BTD: variants seen among roughly 807,000 people sequenced by gnomAD.
The protein encoded by BTD is biotinidase, also known as biocytinase.
BTD carries 13 observed loss-of-function variants against 17.7 expected under a neutral mutation model. That is an observed-to-expected ratio of 0.74 (90% confidence interval 0.48 to 1.17). BTD has a LOEUF of 1.17. BTD is among the 50% of genes most tolerant of loss of function. The pLI, the probability that BTD is intolerant of heterozygous loss-of-function variation, is 0.00. For missense variants in BTD, 674 were observed against 650.4 expected (o/e 1.04, Z -0.39); for synonymous variants, 240 against 245.2 (o/e 0.98, Z 0.20).
intron 1 of BTD, chr3:15,630,033 CA>C (rs2065166836): frequency 6.1e-6 from 6 of 985,402 alleles, no homozygotes; most frequent in Non-Finnish European, 6.0e-6. Flanking sequence ...CTGTGTGTCA[CA>C]GGGGGAATGG....
In BTD at chr3:15,651,950, C is replaced by G. The variant is rs1321304842; in HGVS notation, c.*6462C>G. Among the ~76,000 whole-genome samples the G allele has an allele frequency of 6.6e-6, 1 of 152,194 alleles. No individual in the cohort carries two copies. The highest frequency in any genetic ancestry group is 1.5e-5 in the Non-Finnish European group (1 of 68,022). On this transcript the variant is annotated 3_prime_UTR_variant, in exon 4 of 4. Coordinates refer to ENST00000643237, the MANE Select transcript of BTD (RefSeq NM_001370658.1). ...ACCTGCTGGTATCCGTTGTACAACA[C>G]TTCCCACATTTTTCTGGGGTCGTTT... is the stretch of plus-strand genomic sequence containing the variant.
chr3:15,702,009 C>T (rs1427439448), intron 3 of BTD, among the ~76,000 whole-genome samples: 2 of 152,174 alleles, frequency 1.3e-5, no homozygotes, highest in Non-Finnish European at 1.5e-5. Context: ...CTTACTGAGA[C>T]CTGAATACAA....
rs760756187 is a variant in BTD at position 15,601,921 on chromosome 3, GAGGGGGTGTGGTA to G, written c.-17+32_-17+44del. 7 of 1,612,740 alleles carry G rather than the reference GAGGGGGTGTGGTA, an allele frequency of 4.3e-6. No individual in the cohort carries two copies. In the Admixed American group the frequency reaches 5.0e-5, roughly 12 times the overall value. On this transcript the variant is annotated intron_variant, in intron 1 of 3. Coordinates refer to ENST00000643237, the MANE Select transcript of BTD (RefSeq NM_001370658.1). ...TACGGAGGGGGCGTGGTGCGGCGCG[GAGGGGGTGTGGTA>G]AGGGCGTGCGGTCCAGACCCCGCCC...
chr3:15,717,695 T>C (rs1477047404), downstream of BTD, among the ~76,000 whole-genome samples: 2 of 152,182 alleles, frequency 1.3e-5, no homozygotes, highest in African/African-American at 4.8e-5. Flanking sequence ...CTGACCAAAA[T>C]CTATTCTTAA....
intron 1 of BTD, among the ~76,000 whole-genome samples, chr3:15,607,910 G>T (rs1170805579): frequency 6.6e-6 from 1 of 152,220 alleles, no homozygotes; most frequent in African/African-American, 2.4e-5. Context: ...AAGGTTCTTT[G>T]AATAAAGTGG....
rs1423688998 is a variant in BTD at position 15,709,662 on chromosome 3, C to T, written c.400-398C>T. Reference sequence around the variant, plus strand: ...GGCTCCATAAAGAAACTGTATCATACCCTACCTCCCAAATTTGTCCTTTTT... The same window carrying T: ...GGCTCCATAAAGAAACTGTATCATATCCTACCTCCCAAATTTGTCCTTTTT... On this transcript the variant is annotated intron_variant, in intron 3 of 3. Coordinates refer to the BTD transcript ENST00000672141. 1.2e-5 allele frequency: 19 copies of T among 1,570,780 alleles called. No homozygotes were observed. The South Asian group carries it at 1.8e-4, about 15-fold the overall frequency.
chr3:15,698,581 T>G (rs983542137), intron 3 of BTD, among the ~76,000 whole-genome samples: 3 of 152,014 alleles, frequency 2.0e-5, no homozygotes, highest in Admixed American at 2.0e-4. Flanking sequence ...TCACAAAGAT[T>G]CCCATACACC....
intron 1 of BTD, among the ~76,000 whole-genome samples, chr3:15,624,877 C>T (rs777780260): frequency 5.9e-5 from 9 of 152,070 alleles, no homozygotes; most frequent in South Asian, 4.1e-4. Flanking sequence ...GGACTATAGG[C>T]GTGTGCCACC....
chr3:15,699,881 C>G, intron 3 of BTD, among the ~76,000 whole-genome samples: 1 of 152,160 alleles, frequency 6.6e-6, no homozygotes, highest in East Asian at 1.9e-4. Context: ...CATCCCATTA[C>G]TGGGTATATA....
intron 2 of BTD, among the ~76,000 whole-genome samples, chr3:15,641,597 C>G (rs114962159): frequency 6.6e-6 from 1 of 152,210 alleles, no homozygotes; most frequent in South Asian, 2.1e-4. Context: ...TCTAGCTATT[C>G]GCTTGTCAAA....
At chr3:15,675,459 A>C (rs1202858359) in intron 3 of BTD, among the ~76,000 whole-genome samples, 1 of 152,204 alleles carries the variant, frequency 6.6e-6, no homozygotes, top group Non-Finnish European at 1.5e-5. Context: ...GGAATAATAC[A>C]GGAAGAGAGC....
intron 3 of BTD, chr3:15,709,875 T>A: frequency 5.4e-6 from 3 of 557,946 alleles, no homozygotes; most frequent in Non-Finnish European, 9.4e-6. Context: ...CTATGAAGAA[T>A]AAAACATTGA....
intron 1 of BTD, among the ~76,000 whole-genome samples, chr3:15,629,623 A>G (rs1193772459): frequency 6.6e-6 from 1 of 152,168 alleles, no homozygotes; most frequent in Non-Finnish European, 1.5e-5. Flanking sequence ...GCCCGAGTTC[A>G]AGCGATTCTC....
intron 1 of BTD, 76 bp downstream of exon 1, chr3:15,601,970 G>A: frequency 6.3e-7 from 1 of 1,589,022 alleles, no homozygotes; most frequent in African/African-American, 1.3e-5. Flanking sequence ...CGGGCGCCCA[G>A]TTGGACTTGG....
intron 1 of BTD, among the ~76,000 whole-genome samples, chr3:15,618,486 A>T (rs2064854216): frequency 6.6e-6 from 1 of 152,188 alleles, no homozygotes; most frequent in Admixed American, 6.5e-5. Flanking sequence ...TAAATATTTC[A>T]TATGTAGGGT....
At chr3:15,713,958 T>G (rs772333984), downstream of BTD, among the ~76,000 whole-genome samples, 7 of 152,222 alleles carry the variant, frequency 4.6e-5, no homozygotes, top group Non-Finnish European at 8.8e-5. Context: ...TTCAGAGCTT[T>G]AATGTGCATA....
intron 1 of BTD, among the ~76,000 whole-genome samples, chr3:15,632,204 C>T (rs1402694365): frequency 1.3e-5 from 2 of 152,208 alleles, no homozygotes; most frequent in Admixed American, 1.3e-4. Context: ...CCCCTCGCCT[C>T]ACCTTACCAC....
At chr3:15,606,034 C>CTCA (rs375240065) in intron 1 of BTD, among the ~76,000 whole-genome samples, 1 of 134,150 alleles carries the variant, frequency 7.5e-6, no homozygotes, top group African/African-American at 3.0e-5. Context: ...CAGAGCGAGA[C>CTCA]CCTGTCTCAA....
rs79054585 is a variant in BTD, at chr3:15,620,112, A to G, written c.-16-15312A>G. ...AAAGCAGAACCACTGATAATGGTCT[A>G]TGTTCAGCGGTGCACATATTGTCTT... On this transcript the variant is annotated intron_variant, in intron 1 of 3. Transcript: ENST00000643237. Among the ~76,000 whole-genome samples the G allele has an allele frequency of 4.7e-3, 716 of 152,372 alleles. 5 individuals carry two copies. The highest frequency in any genetic ancestry group is 0.016 in the African/African-American group (675 of 41,588).
Sources: gnomAD v4.1 joint callset for allele counts (sites outside exome capture counted in the v4.1 genomes callset) on GRCh38, gnomAD v4.1.1 for gene constraint, MANE v1.5 for transcripts, NCBI Gene and HGNC (gene_info 2026-07-23, HGNC 2026-07-21) for gene names.